The following CEMIP2 variants were observed in gnomAD, a reference collection of about 807,000 sequenced individuals.
CEMIP2 encodes cell surface hyaluronidase CEMIP2.
Under a neutral mutation model 146.9 loss-of-function variants are expected in CEMIP2, and 79 were observed. The ratio of observed to expected loss-of-function variants is 0.54; its 90% CI spans 0.45 to 0.65. The LOEUF (loss-of-function observed/expected upper bound fraction) is 0.65, where lower values mean the gene tolerates loss of function less well. Among genes scored for constraint, CEMIP2 ranks in the 30% least tolerant of loss-of-function variants. The pLI, the probability that CEMIP2 is intolerant of heterozygous loss-of-function variation, is 0.00. For missense variants in CEMIP2, 1,596 were observed against 1,696.2 expected (o/e 0.94, Z 1.04); for synonymous variants, 601 against 606.3 (o/e 0.99, Z 0.13).
chr9:71,746,571 G>A (rs1449397264), intron 2 of CEMIP2, among the ~76,000 whole-genome samples: 3 of 116,512 alleles, frequency 2.6e-5, no homozygotes, highest in Non-Finnish European at 4.9e-5. Flanking sequence ...TAAATTGCTA[G>A]CATCTAGTTC....
chr9:71,719,842 C>CAAAAAAAAAAAAAAA (rs34555277), intron 12 of CEMIP2, among the ~76,000 whole-genome samples: 30 of 93,200 alleles, frequency 3.2e-4, no homozygotes, highest in East Asian at 7.8e-4. Flanking sequence ...TAAACGAAAG[C>CAAAAAAAAAAAAAAA]AAAAAAAAAA....
Position 71,754,931 on chromosome 9 carries a change from G to A in CEMIP2, c.-12-4546C>T, listed in dbSNP as rs546459219. Among the ~76,000 whole-genome samples, 13 of 151,716 alleles carry A rather than the reference G, an allele frequency of 8.6e-5. No homozygotes were observed. The East Asian group carries it at 2.5e-3, about 29-fold the overall frequency. On this transcript the variant is annotated intron_variant, in intron 1 of 23. Coordinates refer to ENST00000377044, the MANE Select transcript of CEMIP2 (RefSeq NM_013390.3). Reference sequence around the variant, plus strand: ...AAATACAAATGCTGGAAAAACATAAGCATTCCAAAAAGTAGCTAGTGCTTT... The same window carrying A: ...AAATACAAATGCTGGAAAAACATAAACATTCCAAAAAGTAGCTAGTGCTTT...
At chr9:71,704,395 A>G in intron 18 of CEMIP2, 200 bp downstream of exon 18, 1 of 607,412 alleles carries the variant, frequency 1.6e-6, no homozygotes, top group Non-Finnish European at 2.9e-6. Context: ...CAGAGAAAAA[A>G]AAAGCTTTTG....
Position 71,718,018 on chromosome 9 carries a change from G to A in CEMIP2, c.2329C>T (p.Leu777Phe). ...KPRVAALIDR[L>F]IAFKNNDNGA... is the part of the protein sequence containing the mutation. ...TTATCATTATTTTTAAAAGCAATGA[G>A]CCTGTCAATTAGAGCAGCAACACGT... Residue 777 changes from leucine (L) to phenylalanine (F), a missense_variant, in exon 13 of 24, where the codon CTC becomes TTC. Leu to Phe is a conservative substitution (Grantham distance 22). Coordinates refer to ENST00000377044, the MANE Select transcript of CEMIP2 (RefSeq NM_013390.3). 1 of 1,613,158 alleles carries A rather than the reference G, an allele frequency of 6.2e-7. No homozygotes were observed. Among genetic ancestry groups the A allele is most frequent in the African/African-American group, 1.3e-5 (1 of 74,996 alleles).
At chr9:71,763,387 A>G (rs1336135030) in intron 1 of CEMIP2, among the ~76,000 whole-genome samples, 3 of 152,182 alleles carry the variant, frequency 2.0e-5, no homozygotes, top group Non-Finnish European at 4.4e-5. Context: ...GTGGATATTC[A>G]TATGTTTTAA....
At chr9:71,753,585 CAA>C (rs1824322638) in intron 1 of CEMIP2, among the ~76,000 whole-genome samples, 1 of 152,192 alleles carries the variant, frequency 6.6e-6, no homozygotes, top group African/African-American at 2.4e-5. Context: ...GTATAAGCAG[CAA>C]ATACAAGATT....
intron 1 of CEMIP2, among the ~76,000 whole-genome samples, chr9:71,754,397 T>C (rs1824358226): frequency 6.6e-6 from 1 of 152,226 alleles, no homozygotes; most frequent in African/African-American, 2.4e-5. Flanking sequence ...TAGTCCTCTC[T>C]GGCTTTCAAG....
At chr9:71,743,357 A>C (rs942460158) in intron 4 of CEMIP2, among the ~76,000 whole-genome samples, 1 of 152,192 alleles carries the variant, frequency 6.6e-6, no homozygotes, top group Non-Finnish European at 1.5e-5. Flanking sequence ...CACAGGCATC[A>C]CATTGCGGCA....
intron 21 of CEMIP2, among the ~76,000 whole-genome samples, chr9:71,690,833 T>C (rs1822206791): frequency 6.6e-6 from 1 of 152,216 alleles, no homozygotes; most frequent in African/African-American, 2.4e-5. Context: ...ACAACTATTG[T>C]GAGCTAAATT....
rs1822013816 is a variant in CEMIP2, at chr9:71,685,110, G to A, written c.*87C>T. ...TATCAAACTGGAAAATGGTTCCGTT[G>A]GGTTAACAGTGTCATTTTAAAATGC... On this transcript the variant is annotated 3_prime_UTR_variant, in exon 24 of 24. Coordinates refer to ENST00000377044, the MANE Select transcript of CEMIP2 (RefSeq NM_013390.3). 2 of 1,301,104 alleles carry A rather than the reference G, an allele frequency of 1.5e-6. No homozygotes were observed. The highest frequency in any genetic ancestry group is 2.1e-6 in the Non-Finnish European group (2 of 963,700). The allele number at this position is 1,301,104 out of a possible 1,614,324, so 80.6% of individuals were successfully genotyped here. A position where few individuals can be genotyped will look rare whatever the true frequency, so the allele number is the denominator to read the frequency against.
chr9:71,709,442 A>G lies in CEMIP2; in HGVS notation c.2802T>C (p.Gly934=). 2 of 1,614,186 alleles carry G rather than the reference A, an allele frequency of 1.2e-6. No homozygotes were observed. The highest frequency in any genetic ancestry group is 4.5e-5 in the East Asian group (2 of 44,886). The change falls in exon 17 of 24, where the codon GGT becomes GGC. Residue 934 remains glycine (G), a synonymous_variant. Coordinates refer to ENST00000377044, the MANE Select transcript of CEMIP2 (RefSeq NM_013390.3). The part of the protein sequence containing the change: ...VSLNVFFGKP[G]PWFEDCEMDG... Reference sequence around the variant, plus strand: ...CCATCTCACAATCTTCAAACCAGGGACCAGGCTTTCCAAAAAAGACATTCA... The same window carrying G: ...CCATCTCACAATCTTCAAACCAGGGGCCAGGCTTTCCAAAAAAGACATTCA...
chr9:71,704,590 C>G lies in CEMIP2; in HGVS notation c.3194+5G>C. 6.2e-7 allele frequency: 1 copy of G among 1,613,898 alleles called. No homozygotes were observed. On this transcript the variant is annotated splice_donor_5th_base_variant and intron_variant, in intron 18 of 23. Coordinates refer to ENST00000377044, the MANE Select transcript of CEMIP2 (RefSeq NM_013390.3). ...CTATTTGAAATAACAGTAACAGAAA[C>G]ATACTTGTTGAAGTTGACGAGGTAT...
At position 71,756,504 on chromosome 9, in the gene CEMIP2, T is replaced by TCACA. The variant is rs1480091892; in HGVS notation, c.-12-6120_-12-6119insTGTG. 2.4e-3 allele frequency among the ~76,000 whole-genome samples: 268 copies of TCACA among 111,726 alleles called. 1 individual carries two copies. Among genetic ancestry groups the TCACA allele is most frequent in the Admixed American group, 4.9e-3 (57 of 11,520 alleles). The allele number at this position is 111,726 out of a possible 152,430, so 73.3% of individuals were successfully genotyped here. ...CTCTCTCTCTCTCTCTCTCTCTCTC[T>TCACA]CTCACACACACACACACACACACAC... On this transcript the variant is annotated intron_variant, in intron 1 of 23. Transcript: ENST00000377044.
chr9:71,691,848 G>A (rs543938679), intron 21 of CEMIP2, among the ~76,000 whole-genome samples: 115 of 152,218 alleles, frequency 7.6e-4, no homozygotes, highest in African/African-American at 2.6e-3. Flanking sequence ...GCTCATGCCT[G>A]TAATCCCAAC....
chr9:71,730,037 C>G lies in CEMIP2; in HGVS notation c.1979+11G>C, dbSNP rs754556279. On this transcript the variant is annotated intron_variant, in intron 9 of 23. Coordinates refer to ENST00000377044, the MANE Select transcript of CEMIP2 (RefSeq NM_013390.3). ...CTGACTCATGGGTTTTTCTCTCCGC[C>G]AATTACTCACATACAGTCAGTAGCA... The G allele has an allele frequency of 6.2e-7, 1 of 1,614,122 alleles. No homozygotes were observed. Among genetic ancestry groups the G allele is most frequent in the Non-Finnish European group, 8.5e-7 (1 of 1,179,996 alleles).
In CEMIP2 at chr9:71,734,331, T is replaced by C. The variant is rs113658881; in HGVS notation, c.1393+475A>G. The stretch of plus-strand genomic sequence containing the variant: ...CATTGGGTTTACTATTATCTGATAG[T>C]AGAAAATTAATACAAAAGAAAATGG... On this transcript the variant is annotated intron_variant, in intron 6 of 23. Transcript: ENST00000377044. Among the ~76,000 whole-genome samples, 628 of 152,176 alleles carry C rather than the reference T, an allele frequency of 4.1e-3. 7 individuals are homozygous for C. Among genetic ancestry groups the C allele is most frequent in the African/African-American group, 0.014 (584 of 41,514 alleles).
intron 1 of CEMIP2, among the ~76,000 whole-genome samples, chr9:71,752,652 A>G (rs1824296495): frequency 1.3e-5 from 2 of 151,992 alleles, no homozygotes; most frequent in African/African-American, 4.8e-5. Context: ...ACTTCATTCA[A>G]TACCCTTACA....
chr9:71,686,127 G>A, intron 22 of CEMIP2: 1 of 297,610 alleles, frequency 3.4e-6, no homozygotes. Flanking sequence ...GCCATGGATG[G>A]GTACCAGTAG....
At chr9:71,719,660 T>C (rs747046555) in intron 12 of CEMIP2, among the ~76,000 whole-genome samples, 2 of 152,048 alleles carry the variant, frequency 1.3e-5, no homozygotes, top group Admixed American at 6.6e-5. Context: ...TATCCATCTT[T>C]AGATTATATG....
Sources: gnomAD v4.1 joint callset for allele counts (sites outside exome capture counted in the v4.1 genomes callset) on GRCh38, gnomAD v4.1.1 for gene constraint, MANE v1.5 for transcripts, NCBI Gene and HGNC (gene_info 2026-07-23, HGNC 2026-07-21) for gene names.